The following ARHGDIB variants were observed in gnomAD, a reference collection of about 807,000 sequenced individuals.
ARHGDIB encodes the protein rho GDP-dissociation inhibitor 2.
Under a neutral mutation model 22.6 loss-of-function variants are expected in ARHGDIB, and 20 were observed. The ratio of observed to expected loss-of-function variants is 0.88; its 90% CI spans 0.62 to 1.28. The LOEUF (loss-of-function observed/expected upper bound fraction) is 1.28. Ranked by LOEUF, ARHGDIB falls within the 50% of genes most tolerant of loss-of-function variation. The probability of loss-of-function intolerance (pLI) is 0.00; values close to 1 mark genes in which losing one functional copy is unlikely to be tolerated. For synonymous variants in ARHGDIB, 114 were observed against 96.1 expected (o/e 1.19, Z -1.09); for missense variants, 254 against 245.4 (o/e 1.04, Z -0.23).
Position 14,949,896 on chromosome 12 carries a change from G to T in ARHGDIB, c.182-11C>A, listed in dbSNP as rs113967091. 2.6e-5 allele frequency: 42 copies of T among 1,611,896 alleles called. No individual in the cohort carries two copies. Among genetic ancestry groups the T allele is most frequent in the Admixed American group, 5.0e-5 (3 of 59,784 alleles). ...TGGGGGCTTTCGGATCTGCAGGATCGAAAGGGAATGTAAGTACCAAGAAGA... is the reference window on the plus strand; with the variant it reads ...TGGGGGCTTTCGGATCTGCAGGATCTAAAGGGAATGTAAGTACCAAGAAGA... On this transcript the variant is annotated splice_polypyrimidine_tract_variant and intron_variant, in intron 2 of 5. Coordinates refer to ENST00000228945, the MANE Select transcript of ARHGDIB (RefSeq NM_001175.7).
chr12:14,952,458 T>G (rs1176683167), intron 1 of ARHGDIB, among the ~76,000 whole-genome samples: 1 of 152,136 alleles, frequency 6.6e-6, no homozygotes, highest in African/African-American at 2.4e-5. Context: ...CTATGGCAAC[T>G]CTTGCTTTAG....
At chr12:14,960,159 C>T (rs540873790) in intron 1 of ARHGDIB, among the ~76,000 whole-genome samples, 76 of 152,216 alleles carry the variant, frequency 5.0e-4, no homozygotes, top group African/African-American at 1.8e-3. Context: ...ATGAGCCCTC[C>T]GGGTGAGAGC....
In ARHGDIB at chr12:14,942,316, G is replaced by C. The variant is rs550286688; in HGVS notation, c.*206C>G. 2.9e-5 allele frequency: 17 copies of C among 586,244 alleles called. No individual in the cohort carries two copies. The highest frequency in any genetic ancestry group is 4.9e-5 in the Non-Finnish European group (16 of 328,186). 36.3% of individuals were successfully genotyped at this position (586,244 alleles called of 1,614,324 possible). A position where few individuals can be genotyped will look rare whatever the true frequency, so the allele number is the denominator to read the frequency against. On this transcript the variant is annotated 3_prime_UTR_variant, in exon 6 of 6. Coordinates refer to ENST00000228945, the MANE Select transcript of ARHGDIB (RefSeq NM_001175.7). ...AAGATCTGGCCCTGATGGAGGATCA[G>C]AGGGAGCAGGTTGGGTGAAAGCCCG...
At chr12:14,948,120 A>G (rs1235294411) in intron 3 of ARHGDIB, among the ~76,000 whole-genome samples, 171 bp from the exon 4 acceptor site, 2 of 151,972 alleles carry the variant, frequency 1.3e-5, no homozygotes. Context: ...ACACACACAC[A>G]CACACACACA....
At chr12:14,944,862 A>T in intron 4 of ARHGDIB, 23 bp from the exon 5 acceptor site, 1 of 1,609,570 alleles carries the variant, frequency 6.2e-7, no homozygotes, top group South Asian at 1.1e-5. Context: ...AGGAACCAAG[A>T]TGTTCAGATT....
chr12:14,943,614 G>C (rs1038687000), intron 5 of ARHGDIB, among the ~76,000 whole-genome samples: 1 of 152,066 alleles, frequency 6.6e-6, no homozygotes, highest in African/African-American at 2.4e-5. Flanking sequence ...GTAACAGATG[G>C]TGATGAGAAT....
intron 1 of ARHGDIB, among the ~76,000 whole-genome samples, chr12:14,955,346 G>A (rs1864277001): frequency 6.6e-6 from 1 of 152,184 alleles, no homozygotes; most frequent in Admixed American, 6.5e-5. Flanking sequence ...AGTGAAAAGA[G>A]TAATGGTCTG....
At chr12:14,956,511 T>C (rs535660959) in intron 1 of ARHGDIB, among the ~76,000 whole-genome samples, 1 of 152,324 alleles carries the variant, frequency 6.6e-6, no homozygotes, top group South Asian at 2.1e-4. Context: ...TTTCCTCACC[T>C]TCCTCAGCTG....
chr12:14,950,992 T>A (rs1864163328), intron 1 of ARHGDIB: 2 of 265,692 alleles, frequency 7.5e-6, no homozygotes, highest in East Asian at 1.5e-4. Context: ...ATCACTCATA[T>A]GTGAATAACG....
At position 14,944,763 on chromosome 12, in the gene ARHGDIB, T is replaced by A; in HGVS notation, c.406+13A>T. On this transcript the variant is annotated intron_variant, in intron 5 of 5. Transcript: ENST00000228945. Reference sequence around the variant, plus strand: ...AGCAGTTTGGGACAGTGTGGAAATGTGGGTTCCCTTACCTTTCACCCCAGT... The same window carrying A: ...AGCAGTTTGGGACAGTGTGGAAATGAGGGTTCCCTTACCTTTCACCCCAGT... 6.2e-7 allele frequency: 1 copy of A among 1,612,226 alleles called. No homozygotes were observed. Among genetic ancestry groups the A allele is most frequent in the Non-Finnish European group, 8.5e-7 (1 of 1,178,924 alleles).
At chr12:14,949,007 G>A (rs1453517337) in intron 3 of ARHGDIB, 2 of 152,258 alleles carry the variant, frequency 1.3e-5, no homozygotes, top group Admixed American at 1.3e-4. Context: ...TCCTGTGAGA[G>A]GGGAACTACT....
intron 1 of ARHGDIB, among the ~76,000 whole-genome samples, chr12:14,952,635 G>T (rs1864205171): frequency 6.6e-6 from 1 of 151,748 alleles, no homozygotes; most frequent in African/African-American, 2.4e-5. Context: ...GAAATTTAAT[G>T]ACATTCATTA....
At chr12:14,950,166 C>T (rs1453210580) in intron 2 of ARHGDIB, among the ~76,000 whole-genome samples, 2 of 151,996 alleles carry the variant, frequency 1.3e-5, no homozygotes, top group Non-Finnish European at 2.9e-5. Flanking sequence ...GGGCACTGTC[C>T]ATTTATATCT....
intron 1 of ARHGDIB, among the ~76,000 whole-genome samples, chr12:14,957,152 C>T (rs1406821808): frequency 6.6e-6 from 1 of 152,164 alleles, no homozygotes; most frequent in African/African-American, 2.4e-5. Flanking sequence ...AAACCAGGCT[C>T]TGCATTATGA....
intron 2 of ARHGDIB, among the ~76,000 whole-genome samples, 175 bp from the exon 3 acceptor site, chr12:14,950,060 C>T (rs1212736510): frequency 2.0e-5 from 3 of 152,172 alleles, no homozygotes; most frequent in Admixed American, 2.0e-4. Flanking sequence ...TTGTAAATTA[C>T]AGCAAAGTTA....
intron 1 of ARHGDIB, among the ~76,000 whole-genome samples, chr12:14,959,250 C>T (rs1864362271): frequency 6.6e-6 from 1 of 152,208 alleles, no homozygotes; most frequent in Non-Finnish European, 1.5e-5. Context: ...GAAACCCCGT[C>T]TCTACTAAAA....
chr12:14,950,325 C>T lies in ARHGDIB; in HGVS notation c.181+207G>A, dbSNP rs142704092. Among the ~76,000 whole-genome samples, 491 of 152,264 alleles carry T rather than the reference C, an allele frequency of 3.2e-3. 1 individual carries two copies. Among genetic ancestry groups the T allele is most frequent in the African/African-American group, 0.011 (466 of 41,552 alleles). On this transcript the variant is annotated intron_variant, in intron 2 of 5. Transcript: ENST00000228945. ...AAATCCCCTCTGTGTGTTATGTGTG[C>T]CTATCTCACTGCTGACTTGCATCTT...
At chr12:14,959,222 C>T (rs1040848072) in intron 1 of ARHGDIB, among the ~76,000 whole-genome samples, 1 of 152,114 alleles carries the variant, frequency 6.6e-6, no homozygotes. Context: ...AATTCAAGAC[C>T]AGCCCTGGCA....
intron 1 of ARHGDIB, among the ~76,000 whole-genome samples, chr12:14,960,034 G>A (rs1228997673): frequency 2.0e-5 from 3 of 152,114 alleles, no homozygotes; most frequent in African/African-American, 7.2e-5. Context: ...CTGTCTCTCC[G>A]GACCAACAGG....
Sources: gnomAD v4.1 joint callset for allele counts (sites outside exome capture counted in the v4.1 genomes callset) on GRCh38, gnomAD v4.1.1 for gene constraint, MANE v1.5 for transcripts, NCBI Gene and HGNC (gene_info 2026-07-23, HGNC 2026-07-21) for gene names.